Variants in CPE observed in about 807,000 individuals in gnomAD.
CPE encodes the protein carbocypeptidase E.
A neutral mutation model predicts 53.5 loss-of-function variants in CPE; 17 were observed. The ratio of observed to expected loss-of-function variants is 0.32; its 90% CI spans 0.22 to 0.48. The LOEUF (loss-of-function observed/expected upper bound fraction) is 0.48, where lower values mean the gene tolerates loss of function less well. Ranked by LOEUF, CPE falls within the 20% of genes least tolerant of loss-of-function variation. The pLI is 0.99. For synonymous variants in CPE, 226 were observed against 228.8 expected (o/e 0.99, Z 0.11); for missense variants, 524 against 614.7 (o/e 0.85, Z 1.56).
At chr4:165,418,834 T>C (rs909374289) in intron 1 of CPE, among the ~76,000 whole-genome samples, 6 of 152,266 alleles carry the variant, frequency 3.9e-5, no homozygotes, top group Middle Eastern at 3.4e-3. Context: ...ATGCTAACTT[T>C]AAAGCAAAGA....
chr4:165,408,298 G>A (rs774832520), intron 1 of CPE, among the ~76,000 whole-genome samples: 22 of 152,170 alleles, frequency 1.4e-4, no homozygotes, highest in African/African-American at 5.1e-4. Flanking sequence ...TTTAACTCTC[G>A]CATTTAAATC....
At chr4:165,455,775 C>G (rs1411317706) in intron 1 of CPE, among the ~76,000 whole-genome samples, 1 of 151,980 alleles carries the variant, frequency 6.6e-6, no homozygotes, top group Non-Finnish European at 1.5e-5. Context: ...GCCTCAGCCT[C>G]TCGAGTAGCT....
intron 1 of CPE, among the ~76,000 whole-genome samples, chr4:165,461,411 G>A (rs1422061429): frequency 1.3e-5 from 2 of 152,178 alleles, no homozygotes; most frequent in Non-Finnish European, 2.9e-5. Flanking sequence ...CAAACCACAT[G>A]GAGGTTCAAG....
chr4:165,404,761 C>T (rs1024918885), intron 1 of CPE: 1 of 784,016 alleles, frequency 1.3e-6, no homozygotes, highest in African/African-American at 1.7e-5. Flanking sequence ...TGACCTTCCC[C>T]TGCTTGAGAC....
intron 4 of CPE, among the ~76,000 whole-genome samples, chr4:165,483,090 G>A (rs1732444103): frequency 6.6e-6 from 1 of 151,380 alleles, no homozygotes; most frequent in South Asian, 2.1e-4. Flanking sequence ...GGTTTCTAGG[G>A]TACCCATCAC....
In CPE at chr4:165,497,545, A is replaced by G. The variant is rs560038598; in HGVS notation, c.1366A>G (p.Lys456Glu). Residue 456 changes from lysine to glutamate, a missense_variant, in exon 9 of 9, where the codon AAA becomes GAA. Transcript: ENST00000402744. ...DFELESFSER[K>E]EEEKEELMEW... ...TGAACTGGAGTCATTTTCTGAAAGG[A>G]AAGAAGAGGAGAAGGAAGAATTGAT... 1.3e-4 allele frequency: 207 copies of G among 1,578,648 alleles called. 3 individuals are homozygous for G. The Admixed American group carries it at 3.8e-3, about 29-fold the overall frequency.
intron 1 of CPE, among the ~76,000 whole-genome samples, chr4:165,445,879 C>A (rs899443893): frequency 2.6e-5 from 4 of 151,588 alleles, no homozygotes; most frequent in Non-Finnish European, 5.9e-5. Context: ...TTCTAAGATT[C>A]TTTTAGCAAA....
intron 1 of CPE, among the ~76,000 whole-genome samples, chr4:165,397,432 A>G (rs1427044403): frequency 1.2e-4 from 19 of 152,202 alleles, no homozygotes; most frequent in Admixed American, 1.2e-3. Context: ...ATATAGCTAC[A>G]TTCTTAAATA....
At chr4:165,416,121 C>G (rs1448755752) in intron 1 of CPE, among the ~76,000 whole-genome samples, 4 of 152,178 alleles carry the variant, frequency 2.6e-5, no homozygotes, top group African/African-American at 7.2e-5. Flanking sequence ...TACTCCTGCG[C>G]CAACTCAACC....
At chr4:165,496,293 A>T (rs1732704452) in intron 8 of CPE, among the ~76,000 whole-genome samples, 2 of 152,194 alleles carry the variant, frequency 1.3e-5, no homozygotes, top group Admixed American at 6.5e-5. Flanking sequence ...ATTTATTATT[A>T]TTTTTGTTTA....
At chr4:165,457,715 T>G (rs1401342249) in intron 1 of CPE, among the ~76,000 whole-genome samples, 2 of 152,248 alleles carry the variant, frequency 1.3e-5, no homozygotes, top group Non-Finnish European at 2.9e-5. Flanking sequence ...TTGATTTGGT[T>G]GTTTTCTAAA....
chr4:165,438,321 G>C (rs1274267357), intron 1 of CPE, among the ~76,000 whole-genome samples: 1 of 152,084 alleles, frequency 6.6e-6, no homozygotes, highest in Non-Finnish European at 1.5e-5. Flanking sequence ...TGCAGCACGG[G>C]GCTTTCCTGG....
At chr4:165,409,352 T>A (rs1731000705) in intron 1 of CPE, among the ~76,000 whole-genome samples, 5 of 152,088 alleles carry the variant, frequency 3.3e-5, no homozygotes, top group African/African-American at 9.7e-5. Flanking sequence ...TACAGGTGTG[T>A]GCTACCATGC....
At chr4:165,447,792 T>A (rs1032583334) in intron 1 of CPE, among the ~76,000 whole-genome samples, 4 of 152,086 alleles carry the variant, frequency 2.6e-5, no homozygotes, top group Non-Finnish European at 4.4e-5. Context: ...ATTTTAAAAA[T>A]TTTTGTATTT....
chr4:165,462,161 C>T (rs541621869), intron 1 of CPE, among the ~76,000 whole-genome samples: 1 of 152,308 alleles, frequency 6.6e-6, no homozygotes, highest in African/African-American at 2.4e-5. Flanking sequence ...GAGTTGCAAA[C>T]ATAAATGAGT....
At chr4:165,467,406 A>G (rs1337472188) in intron 2 of CPE, among the ~76,000 whole-genome samples, 1 of 152,222 alleles carries the variant, frequency 6.6e-6, no homozygotes, top group African/African-American at 2.4e-5. Context: ...AAATGTCACT[A>G]GGCAATAGGA....
intron 6 of CPE, among the ~76,000 whole-genome samples, chr4:165,491,730 C>CT (rs1013132739): frequency 5.4e-4 from 82 of 150,890 alleles, no homozygotes; most frequent in African/African-American, 1.5e-3. Flanking sequence ...TGAGAGTTTT[C>CT]TTTTTTTTTA....
At chr4:165,438,269 T>C (rs4481204) in intron 1 of CPE, among the ~76,000 whole-genome samples, 48,880 of 151,876 alleles carry the variant, frequency 0.32, 8,126 homozygotes, top group Middle Eastern at 0.41. Context: ...ATGAGCAATA[T>C]TGGCGAAGTT....
intron 1 of CPE, among the ~76,000 whole-genome samples, chr4:165,414,076 T>A (rs1232765495): frequency 6.6e-6 from 1 of 152,204 alleles, no homozygotes; most frequent in Admixed American, 6.5e-5. Flanking sequence ...AAAAGATTTG[T>A]ATGTATTTTC....
Sources: allele counts gnomAD v4.1 joint callset (sites outside exome capture counted in the v4.1 genomes callset), GRCh38; gene constraint gnomAD v4.1.1; transcripts MANE v1.5; gene names NCBI Gene and HGNC (gene_info 2026-07-23, HGNC 2026-07-21).